The following TTC28 variants were observed in gnomAD, a reference collection of about 807,000 sequenced individuals.
The protein encoded by TTC28 is tetratricopeptide repeat domain 28.
In TTC28, 61 loss-of-function variants were observed where a neutral mutation model predicts 198.0. That is an observed-to-expected ratio of 0.31 (90% CI 0.25 to 0.38). TTC28 has a LOEUF of 0.38. Among genes scored for constraint, TTC28 ranks in the 10% least tolerant of loss-of-function variants. The probability of loss-of-function intolerance (pLI) is 1.00; values close to 1 mark genes in which losing one functional copy is unlikely to be tolerated. For synonymous variants in TTC28, 1,171 were observed against 1,297.8 expected (o/e 0.90, Z 2.10); for missense variants, 2,678 against 3,164.0 (o/e 0.85, Z 3.69).
intron 2 of TTC28, among the ~76,000 whole-genome samples, chr22:28,388,440 T>C (rs1390637456): frequency 2.0e-5 from 3 of 152,234 alleles, no homozygotes; most frequent in Non-Finnish European, 4.4e-5. Flanking sequence ...TTGGGCAGTA[T>C]GGCCATTTTC....
At chr22:28,091,432 C>G (rs1941810579) in intron 12 of TTC28, among the ~76,000 whole-genome samples, 1 of 152,118 alleles carries the variant, frequency 6.6e-6, no homozygotes, top group Non-Finnish European at 1.5e-5. Context: ...CCCCACATTG[C>G]CATAAGGGAG....
intron 2 of TTC28, among the ~76,000 whole-genome samples, chr22:28,544,759 T>C (rs1406972392): frequency 6.6e-6 from 1 of 152,184 alleles, no homozygotes; most frequent in Non-Finnish European, 1.5e-5. Flanking sequence ...CTAATTATCA[T>C]GCATTAGCTA....
intron 12 of TTC28, among the ~76,000 whole-genome samples, chr22:28,091,973 A>C (rs188488983): frequency 1.3e-5 from 2 of 152,214 alleles, no homozygotes; most frequent in South Asian, 2.1e-4. Flanking sequence ...GGATGAGGAG[A>C]ATTAAGCTGC....
At chr22:28,082,550 TGATTGATATTCACA>T (rs1389042749) in intron 12 of TTC28, among the ~76,000 whole-genome samples, 1 of 152,234 alleles carries the variant, frequency 6.6e-6, no homozygotes, top group Non-Finnish European at 1.5e-5. Context: ...TGTATTACGC[TGATTGATATTCACA>T]GGTGAACCAT....
chr22:28,435,547 C>A (rs1373846427), intron 2 of TTC28, among the ~76,000 whole-genome samples: 1 of 152,128 alleles, frequency 6.6e-6, no homozygotes, highest in Non-Finnish European at 1.5e-5. Context: ...ACAGGGCCAG[C>A]CGGGATTTCA....
chr22:28,177,247 G>A (rs924714473), intron 5 of TTC28, among the ~76,000 whole-genome samples: 3 of 152,126 alleles, frequency 2.0e-5, no homozygotes, highest in Non-Finnish European at 2.9e-5. Flanking sequence ...GGAAGTATAC[G>A]GAAAGATGTT....
chr22:28,672,260 C>T (rs2051899723), intron 1 of TTC28, among the ~76,000 whole-genome samples: 1 of 152,060 alleles, frequency 6.6e-6, no homozygotes, highest in Non-Finnish European at 1.5e-5. Context: ...GCTCCGCCTC[C>T]CGGGTTCAAG....
chr22:27,998,291 G>A, intron 16 of TTC28: 1 of 616,102 alleles, frequency 1.6e-6, no homozygotes, highest in African/African-American at 1.8e-5. Context: ...ACTGACATCA[G>A]GAGGAGTTTC....
chr22:28,590,046 A>C lies in TTC28; in HGVS notation c.381+39506T>G, dbSNP rs886824849. Among the ~76,000 whole-genome samples, 18 of 81,238 alleles carry C rather than the reference A, an allele frequency of 2.2e-4. No homozygotes were observed. The East Asian group carries it at 3.2e-3, about 14-fold the overall frequency. 53.3% of individuals were successfully genotyped at this position (81,238 alleles called of 152,430 possible). On this transcript the variant is annotated intron_variant, in intron 2 of 22. Transcript: ENST00000397906. ...AACAAGACTCCATCAAAAAAAAAAA[A>C]AAAAAAAAAAAAAAAACACAGAAAA...
At chr22:27,989,457 T>G (rs982318223) in intron 21 of TTC28, among the ~76,000 whole-genome samples, 1 of 152,194 alleles carries the variant, frequency 6.6e-6, no homozygotes, top group Non-Finnish European at 1.5e-5. Flanking sequence ...GAAATCACAG[T>G]GCAGAGGAAA....
chr22:28,069,534 A>G (rs146740215), intron 12 of TTC28, among the ~76,000 whole-genome samples: 286 of 152,340 alleles, frequency 1.9e-3, no homozygotes, highest in Admixed American at 3.5e-3. Context: ...AGCATCTTAT[A>G]TATCTTGGCT....
intron 5 of TTC28, among the ~76,000 whole-genome samples, chr22:28,189,953 T>G (rs532089917): frequency 6.6e-6 from 1 of 152,360 alleles, no homozygotes; most frequent in South Asian, 2.1e-4. Context: ...TTAAGTAGTT[T>G]CAAAAAGATT....
At chr22:28,389,574 G>A (rs531168254) in intron 2 of TTC28, among the ~76,000 whole-genome samples, 1 of 148,414 alleles carries the variant, frequency 6.7e-6, no homozygotes, top group Admixed American at 6.7e-5. Context: ...GTCTTGGGAG[G>A]GTGTATGTGT....
At position 28,550,565 on chromosome 22, in the gene TTC28, T is replaced by C. The variant is rs537517889; in HGVS notation, c.381+78987A>G. Among the ~76,000 whole-genome samples the C allele has an allele frequency of 3.3e-4, 50 of 152,248 alleles. 2 individuals carry two copies. The highest frequency in any genetic ancestry group is 1.2e-3 in the African/African-American group (48 of 41,576). On this transcript the variant is annotated intron_variant, in intron 2 of 22. Transcript: ENST00000397906. ...CAGGAGTGTGCGTCTATCATTTGTATCAGTAGCAAAGCTAATATAAAAAAT... is the reference window on the plus strand; with the variant it reads ...CAGGAGTGTGCGTCTATCATTTGTACCAGTAGCAAAGCTAATATAAAAAAT...
chr22:28,133,303 C>G (rs1459493754), intron 6 of TTC28, among the ~76,000 whole-genome samples: 1 of 152,184 alleles, frequency 6.6e-6, no homozygotes, highest in Non-Finnish European at 1.5e-5. Context: ...GTGAGCAACA[C>G]AGAAGATGGG....
chr22:28,205,574 A>AATG (rs1256243242), intron 5 of TTC28, among the ~76,000 whole-genome samples: 2 of 152,118 alleles, frequency 1.3e-5, no homozygotes, highest in South Asian at 4.1e-4. Flanking sequence ...CAGACTGGTG[A>AATG]ATGATTGACC....
chr22:28,033,104 A>C (rs964608699), intron 12 of TTC28, among the ~76,000 whole-genome samples: 4 of 152,162 alleles, frequency 2.6e-5, no homozygotes, highest in African/African-American at 9.7e-5. Flanking sequence ...TGCAAAGGGG[A>C]GAAGAATTGC....
intron 2 of TTC28, among the ~76,000 whole-genome samples, chr22:28,377,245 T>A (rs890496726): frequency 7.0e-6 from 1 of 142,256 alleles, no homozygotes. Context: ...TAGGACATAA[T>A]ATATTCTAAA....
chr22:28,170,464 G>A (rs960389656), intron 5 of TTC28, among the ~76,000 whole-genome samples: 9 of 151,088 alleles, frequency 6.0e-5, no homozygotes, highest in African/African-American at 1.7e-4. Flanking sequence ...ACTCCAGCCC[G>A]GGTGACAGAG....
Sources: gnomAD v4.1 joint callset for allele counts (sites outside exome capture counted in the v4.1 genomes callset) on GRCh38, gnomAD v4.1.1 for gene constraint, MANE v1.5 for transcripts, NCBI Gene and HGNC (gene_info 2026-07-23, HGNC 2026-07-21) for gene names.